Variants in TMEM33 observed in about 807,000 individuals in gnomAD.
The protein encoded by TMEM33 is transmembrane protein 33.
Under a neutral mutation model 29.7 loss-of-function variants are expected in TMEM33, and 16 were observed. That is an observed-to-expected ratio of 0.54 (90% confidence interval 0.36 to 0.82). TMEM33 has a LOEUF of 0.82. Among genes scored for constraint, TMEM33 ranks in the 40% least tolerant of loss-of-function variants. The pLI is 0.00. For synonymous variants in TMEM33, 112 were observed against 109.4 expected, an observed-to-expected ratio of 1.02 and a Z score of -0.15; for missense variants, 252 against 295.3, an observed-to-expected ratio of 0.85 and a Z score of 1.08.
At chr4:41,952,904 C>G (rs909872027) in intron 6 of TMEM33, among the ~76,000 whole-genome samples, 1 of 152,022 alleles carries the variant, frequency 6.6e-6, no homozygotes, top group Non-Finnish European at 1.5e-5. Context: ...ATAAATATAA[C>G]TGTCCATGTT....
chr4:41,948,550 A>G (rs188544533), intron 5 of TMEM33, among the ~76,000 whole-genome samples: 2 of 152,192 alleles, frequency 1.3e-5, no homozygotes, highest in African/African-American at 4.8e-5. Flanking sequence ...ATTTCTTCCA[A>G]TTTAAAAAAA....
At chr4:41,938,008 A>G (rs182325239) in intron 1 of TMEM33, among the ~76,000 whole-genome samples, 49 of 152,308 alleles carry the variant, frequency 3.2e-4, no homozygotes, top group Admixed American at 3.1e-3. Flanking sequence ...TTGAGCACCT[A>G]GAGTATGCCA....
Position 41,958,667 on chromosome 4 carries a change from C to T in TMEM33, c.*4468C>T, listed in dbSNP as rs1392830372. The T allele has an allele frequency of 6.9e-6, 1 of 144,272 alleles. No homozygotes were observed. Among genetic ancestry groups the T allele is most frequent in the African/African-American group, 2.6e-5 (1 of 38,446 alleles). The allele number at this position is 144,272 out of a possible 1,614,324, so 8.9% of individuals were successfully genotyped here. A position where few individuals can be genotyped will look rare whatever the true frequency, so the allele number is the denominator to read the frequency against. ...ATGGCACCTAGATTTGAAAATTATG[C>T]TTGGCTTGTAGAGACAACTAGTTTC... On this transcript the variant is annotated 3_prime_UTR_variant, in exon 7 of 7. Coordinates refer to ENST00000504986, the MANE Select transcript of TMEM33 (RefSeq NM_018126.3).
At chr4:41,943,622 A>G in intron 3 of TMEM33, 125 bp from the exon 4 acceptor site, 1 of 769,710 alleles carries the variant, frequency 1.3e-6, no homozygotes, top group Non-Finnish European at 2.1e-6. Context: ...GTATCAGTAA[A>G]ACAAGCCATT....
rs1713417044 is a variant in TMEM33 at position 41,960,210 on chromosome 4, T to C, written c.*6011T>C. On this transcript the variant is annotated 3_prime_UTR_variant, in exon 7 of 7. Transcript: ENST00000504986. ...CTCATTCACTCTTTCTTTTATGCAGTGATTTACTGGTCCCTACTGATTTCC... is the reference window on the plus strand; with the variant it reads ...CTCATTCACTCTTTCTTTTATGCAGCGATTTACTGGTCCCTACTGATTTCC... 1 of 152,182 alleles carries C rather than the reference T, an allele frequency of 6.6e-6. No individual in the cohort carries two copies. Among genetic ancestry groups the C allele is most frequent in the African/African-American group, 2.4e-5 (1 of 41,456 alleles). The allele number at this position is 152,182 out of a possible 1,614,324, so 9.4% of individuals were successfully genotyped here.
intron 1 of TMEM33, among the ~76,000 whole-genome samples, chr4:41,935,876 A>G (rs1038010006): frequency 6.6e-6 from 1 of 152,238 alleles, no homozygotes; most frequent in Admixed American, 6.5e-5. Flanking sequence ...CACATGATCC[A>G]TGACACACAC....
chr4:41,958,698 C>CTTTTTTTTTTTTTTTTTT lies in TMEM33; in HGVS notation c.*4500_*4501insTTTTTTTTTTTTTTTTTT, dbSNP rs1560522125. 1 of 132,476 alleles carries CTTTTTTTTTTTTTTTTTT rather than the reference C, an allele frequency of 7.5e-6. No individual in the cohort carries two copies. The allele number at this position is 132,476 out of a possible 1,614,324, so 8.2% of individuals were successfully genotyped here. Reference sequence around the variant, plus strand: ...TTGTAGAGACAACTAGTTTCTCTCGCTCTTTTTTTTTTTTTTTTTTTTTTT... The same window carrying CTTTTTTTTTTTTTTTTTT: ...TTGTAGAGACAACTAGTTTCTCTCGCTTTTTTTTTTTTTTTTTTTCTTTTTTTTTTTTTTTTTTTTTTT... On this transcript the variant is annotated 3_prime_UTR_variant, in exon 7 of 7. Transcript: ENST00000504986.
intron 6 of TMEM33, among the ~76,000 whole-genome samples, chr4:41,950,227 T>C (rs1712978674): frequency 6.6e-6 from 1 of 152,180 alleles, no homozygotes; most frequent in Non-Finnish European, 1.5e-5. Flanking sequence ...CACTAAATTA[T>C]GCATTCTGAT....
intron 1 of TMEM33, among the ~76,000 whole-genome samples, chr4:41,935,972 G>A (rs1158398693): frequency 6.6e-6 from 1 of 152,166 alleles, no homozygotes; most frequent in East Asian, 1.9e-4. Context: ...GGAGGAGAGC[G>A]GTGGTCTTTT....
rs374891278 is a variant in TMEM33 at position 41,945,046 on chromosome 4, A to G, written c.530+120A>G. The G allele has an allele frequency of 6.9e-5, 87 of 1,265,624 alleles. No individual in the cohort carries two copies. In the African/African-American group the frequency reaches 7.7e-4, roughly 11 times the overall value. 78.4% of individuals were successfully genotyped at this position (1,265,624 alleles called of 1,614,324 possible). A position where few individuals can be genotyped will look rare whatever the true frequency, so the allele number is the denominator to read the frequency against. On this transcript the variant is annotated intron_variant, in intron 5 of 6. Transcript: ENST00000504986. The stretch of plus-strand genomic sequence containing the variant: ...GGTATTGACATGTAGAGCTAAATGA[A>G]TCTTAGCAGTTGCCTAATCTAACCT...
chr4:41,938,622 A>G lies in TMEM33; in HGVS notation c.66A>G (p.Lys22=), dbSNP rs1171847925. ...AGAVQFMMTN[K]LDTAMWLSRL... is the part of the protein sequence containing the mutation. ...TTTAGCAATTCATGATGACCAATAA[A>G]CTGGACACGGCAATGTGGCTTTCTC... The change falls in exon 2 of 7, where the codon AAA becomes AAG. Residue 22 remains lysine, a synonymous_variant. Coordinates refer to ENST00000504986, the MANE Select transcript of TMEM33 (RefSeq NM_018126.3). 4 of 1,613,884 alleles carry G rather than the reference A, an allele frequency of 2.5e-6. No homozygotes were observed. The highest frequency in any genetic ancestry group is 3.4e-6 in the Non-Finnish European group (4 of 1,180,006).
At chr4:41,935,196 C>T (rs1712156601), upstream of TMEM33, 2 of 550,998 alleles carry the variant, frequency 3.6e-6, no homozygotes, top group Non-Finnish European at 6.5e-6. Context: ...TAGGGCTTCA[C>T]CCCGAAGCTC....
At position 41,958,472 on chromosome 4, in the gene TMEM33, A is replaced by G. The variant is rs1421017713; in HGVS notation, c.*4273A>G. The G allele has an allele frequency of 4.6e-5, 7 of 152,186 alleles. No homozygotes were observed. Among genetic ancestry groups the G allele is most frequent in the Non-Finnish European group, 7.3e-5 (5 of 68,038 alleles). 9.4% of individuals were successfully genotyped at this position (152,186 alleles called of 1,614,324 possible). A position where few individuals can be genotyped will look rare whatever the true frequency, so the allele number is the denominator to read the frequency against. On this transcript the variant is annotated 3_prime_UTR_variant, in exon 7 of 7. Transcript: ENST00000504986. The stretch of plus-strand genomic sequence containing the variant: ...GCCTACATCACCGAAACACACTAAT[A>G]TAAAATTATCCTTTCTCCTTCATTT...
chr4:41,951,344 T>G (rs1446928931), intron 6 of TMEM33, among the ~76,000 whole-genome samples: 1 of 152,166 alleles, frequency 6.6e-6, no homozygotes, highest in Non-Finnish European at 1.5e-5. Context: ...GCAAAAATTT[T>G]GTCATTACTC....
intron 3 of TMEM33, among the ~76,000 whole-genome samples, chr4:41,943,433 G>T (rs1478252126): frequency 6.6e-6 from 1 of 151,944 alleles, no homozygotes; most frequent in Non-Finnish European, 1.5e-5. Flanking sequence ...GCTGAGGCAG[G>T]AGAATCACTT....
intron 5 of TMEM33, 31 bp from the exon 6 acceptor site, chr4:41,949,271 T>C (rs751280373): frequency 3.3e-6 from 5 of 1,496,170 alleles, no homozygotes; most frequent in Middle Eastern, 1.7e-4. Context: ...TTGAAATGTA[T>C]ATTTATCACG....
At chr4:41,938,477 A>C in intron 1 of TMEM33, 125 bp from the exon 2 acceptor site, 1 of 853,230 alleles carries the variant, frequency 1.2e-6, no homozygotes, top group Non-Finnish European at 1.9e-6. Flanking sequence ...TTTTCACCTA[A>C]TGATCTAAAA....
intron 6 of TMEM33, among the ~76,000 whole-genome samples, chr4:41,949,826 C>T (rs1320595960): frequency 6.6e-6 from 1 of 151,922 alleles, no homozygotes; most frequent in Admixed American, 6.6e-5. Context: ...ATAGATGAGC[C>T]CAGGAAGGTT....
chr4:41,957,597 GTTTTT>G lies in TMEM33; in HGVS notation c.*3408_*3412del, dbSNP rs879590076. ...AAGACAAGTAGAACTGAGAGATTTA[GTTTTT>G]TTTTTTTTTAAGTTTTAGTTCAGAA... On this transcript the variant is annotated 3_prime_UTR_variant, in exon 7 of 7. Transcript: ENST00000504986. The G allele has an allele frequency of 1.4e-5, 2 of 141,554 alleles. No homozygotes were observed. The highest frequency in any genetic ancestry group is 5.2e-5 in the African/African-American group (2 of 38,690). 8.8% of individuals were successfully genotyped at this position (141,554 alleles called of 1,614,324 possible).
Sources: gnomAD v4.1 joint callset for allele counts (sites outside exome capture counted in the v4.1 genomes callset) on GRCh38, gnomAD v4.1.1 for gene constraint, MANE v1.5 for transcripts, NCBI Gene and HGNC (gene_info 2026-07-23, HGNC 2026-07-21) for gene names.